Variants in DIAPH3 observed in about 807,000 individuals in gnomAD.
DIAPH3 encodes diaphanous related formin 3.
A neutral mutation model predicts 144.3 loss-of-function variants in DIAPH3; 117 were observed. That is an observed-to-expected ratio of 0.81 (90% CI 0.70 to 0.95). The LOEUF (loss-of-function observed/expected upper bound fraction) is 0.95. Ranked by LOEUF, DIAPH3 falls within the 40% of genes least tolerant of loss-of-function variation. The pLI is 0.00. For missense variants in DIAPH3, 1,421 were observed against 1,412.7 expected (o/e 1.01, Z -0.09); for synonymous variants, 519 against 488.9 (o/e 1.06, Z -0.81).
chr13:60,016,535 A>AT (rs1181955129), intron 5 of DIAPH3, among the ~76,000 whole-genome samples: 1 of 152,224 alleles, frequency 6.6e-6, no homozygotes, highest in African/African-American at 2.4e-5. Context: ...CATACCACTA[A>AT]TTACAGCCCA....
chr13:59,704,025 T>C (rs1712928329), intron 27 of DIAPH3, among the ~76,000 whole-genome samples: 2 of 152,212 alleles, frequency 1.3e-5, no homozygotes, highest in South Asian at 4.1e-4. Context: ...CTCTATTTCC[T>C]AGGGCACAGG....
intron 2 of DIAPH3, among the ~76,000 whole-genome samples, chr13:60,112,897 T>C (rs961269426): frequency 3.3e-5 from 5 of 152,330 alleles, no homozygotes; most frequent in East Asian, 3.9e-4. Context: ...TTATTCAAAA[T>C]TGTTTGAATT....
intron 25 of DIAPH3, among the ~76,000 whole-genome samples, chr13:59,800,118 G>C (rs2039827960): frequency 6.6e-6 from 1 of 152,170 alleles, no homozygotes; most frequent in African/African-American, 2.4e-5. Flanking sequence ...ATGCACACAA[G>C]TGCGTGTGTA....
chr13:59,916,038 A>T (rs984376858), intron 19 of DIAPH3, 117 bp downstream of exon 19: 2 of 851,222 alleles, frequency 2.3e-6, no homozygotes, highest in Non-Finnish European at 2.0e-6. Context: ...CTAATTATGC[A>T]GCAATGATTT....
intron 27 of DIAPH3, among the ~76,000 whole-genome samples, chr13:59,708,045 C>A (rs1054971988): frequency 6.7e-6 from 1 of 150,096 alleles, no homozygotes. Flanking sequence ...ACTACTAATT[C>A]ATTTCTTTCC....
At chr13:60,014,975 T>TTTTGTTTTG (rs1334922255) in intron 7 of DIAPH3, among the ~76,000 whole-genome samples, 1 of 148,374 alleles carries the variant, frequency 6.7e-6, no homozygotes, top group African/African-American at 2.5e-5. Flanking sequence ...AGTTTTTTTG[T>TTTTGTTTTG]TTTGTTTTGT....
At chr13:60,042,396 G>A (rs529814474) in intron 5 of DIAPH3, among the ~76,000 whole-genome samples, 25 of 152,254 alleles carry the variant, frequency 1.6e-4, no homozygotes, top group Non-Finnish European at 2.8e-4. Context: ...GTGAAACTCA[G>A]TCATATTAAA....
chr13:60,011,611 C>T (rs1464060157), intron 7 of DIAPH3, among the ~76,000 whole-genome samples: 4 of 152,138 alleles, frequency 2.6e-5, no homozygotes, highest in African/African-American at 9.7e-5. Flanking sequence ...TAGCACATCT[C>T]AATTCAGACT....
intron 27 of DIAPH3, among the ~76,000 whole-genome samples, chr13:59,693,724 T>G (rs2033655349): frequency 6.6e-6 from 1 of 152,138 alleles, no homozygotes; most frequent in Non-Finnish European, 1.5e-5. Context: ...AGAAAATTAT[T>G]GTAAAATGAT....
intron 24 of DIAPH3, among the ~76,000 whole-genome samples, chr13:59,824,369 A>G (rs192872412): frequency 1.2e-3 from 177 of 152,314 alleles, no homozygotes; most frequent in African/African-American, 4.1e-3. Flanking sequence ...TAATTTGCCT[A>G]TACACGTATC....
At position 59,790,129 on chromosome 13, in the gene DIAPH3, T is replaced by G. The variant is rs569952728; in HGVS notation, c.3164-15306A>C. ...CATGGGACTTAAATGTAAGAGCAAGTTCAACACATAATTAATGACTACCTG... is the reference window on the plus strand; with the variant it reads ...CATGGGACTTAAATGTAAGAGCAAGGTCAACACATAATTAATGACTACCTG... On this transcript the variant is annotated intron_variant, in intron 25 of 27. Transcript: ENST00000400324. Among the ~76,000 whole-genome samples the G allele has an allele frequency of 5.3e-5, 8 of 152,234 alleles. No homozygotes were observed. In the South Asian group the frequency reaches 1.7e-3, roughly 32 times the overall value.
At chr13:59,813,405 A>G (rs1045180614) in intron 24 of DIAPH3, among the ~76,000 whole-genome samples, 14 of 151,844 alleles carry the variant, frequency 9.2e-5, no homozygotes, top group African/African-American at 3.4e-4. Context: ...AATCTGGCCC[A>G]GAGTGGTTAA....
intron 14 of DIAPH3, among the ~76,000 whole-genome samples, chr13:59,975,112 T>A (rs1056925559): frequency 6.6e-6 from 1 of 151,948 alleles, no homozygotes; most frequent in African/African-American, 2.4e-5. Context: ...CCAGTTCTCA[T>A]CTTGCATTCA....
At chr13:60,127,452 T>A (rs181918187) in intron 2 of DIAPH3, among the ~76,000 whole-genome samples, 1 of 152,164 alleles carries the variant, frequency 6.6e-6, no homozygotes, top group Admixed American at 6.5e-5. Context: ...GTCAGTTTCT[T>A]ATCAAGTTAA....
At chr13:59,959,082 A>C (rs1046291398) in intron 17 of DIAPH3, among the ~76,000 whole-genome samples, 4 of 151,808 alleles carry the variant, frequency 2.6e-5, no homozygotes, top group Admixed American at 2.0e-4. Context: ...TACCATGTTG[A>C]CCAGGCTGGT....
chr13:60,096,276 A>C (rs1406343953), intron 3 of DIAPH3, among the ~76,000 whole-genome samples: 1 of 152,228 alleles, frequency 6.6e-6, no homozygotes, highest in Non-Finnish European at 1.5e-5. Context: ...AGTAAATTAA[A>C]ATACTTAATA....
At chr13:59,791,121 T>C (rs755011042) in intron 25 of DIAPH3, among the ~76,000 whole-genome samples, 3 of 152,054 alleles carry the variant, frequency 2.0e-5, no homozygotes, top group Non-Finnish European at 4.4e-5. Context: ...GACTATACCA[T>C]GCCCAAGTAA....
At chr13:59,761,923 C>G (rs1323805890) in intron 27 of DIAPH3, among the ~76,000 whole-genome samples, 2 of 152,054 alleles carry the variant, frequency 1.3e-5, no homozygotes, top group Non-Finnish European at 2.9e-5. Context: ...GAAGCTCAGA[C>G]AGCTGCTAGA....
chr13:59,782,970 A>G (rs2038822091), intron 25 of DIAPH3, among the ~76,000 whole-genome samples: 1 of 152,140 alleles, frequency 6.6e-6, no homozygotes, highest in Non-Finnish European at 1.5e-5. Context: ...GCCGGGGCCA[A>G]CTCACCAAGG....
Sources: allele counts gnomAD v4.1 joint callset (sites outside exome capture counted in the v4.1 genomes callset), GRCh38; gene constraint gnomAD v4.1.1; transcripts MANE v1.5; gene names NCBI Gene and HGNC (gene_info 2026-07-23, HGNC 2026-07-21).